Variants in CADM1 observed in about 807,000 individuals in gnomAD.
CADM1 encodes the protein cell adhesion molecule 1, also known as TSLC-1.
CADM1 carries 15 observed loss-of-function variants against 53.1 expected under a neutral mutation model. That is an observed-to-expected ratio of 0.28 (90% CI 0.19 to 0.44). The LOEUF is 0.44. Among genes scored for constraint, CADM1 ranks in the 20% least tolerant of loss-of-function variants. The pLI is 1.00. For missense variants in CADM1, 434 were observed against 611.3 expected (o/e 0.71, Z 3.06); for synonymous variants, 281 against 243.0 (o/e 1.16, Z -1.45).
intron 10 of CADM1, among the ~76,000 whole-genome samples, chr11:115,190,240 C>T (rs1939781213): frequency 6.6e-6 from 1 of 152,172 alleles, no homozygotes; most frequent in Non-Finnish European, 1.5e-5. Context: ...AAATCTCCTC[C>T]CTCCCTCCTT....
Position 115,381,834 on chromosome 11 carries a change from A to G in CADM1, c.124+122437T>C, listed in dbSNP as rs78464108. On this transcript the variant is annotated intron_variant, in intron 1 of 11. Coordinates refer to ENST00000331581, the MANE Select transcript of CADM1 (RefSeq NM_001301043.2). ...TTAAGTGGTATACAAATAAAAATCT[A>G]TAAGTTCTAATAATAGGATTTTTTT... Among the ~76,000 whole-genome samples, 1,073 of 152,160 alleles carry G rather than the reference A, an allele frequency of 7.1e-3. 15 individuals carry two copies. Among genetic ancestry groups the G allele is most frequent in the African/African-American group, 0.025 (1,019 of 41,530 alleles).
intron 1 of CADM1, among the ~76,000 whole-genome samples, chr11:115,290,402 T>G (rs1371628878): frequency 7.2e-5 from 11 of 152,214 alleles, no homozygotes. Context: ...CTCAGCTCAC[T>G]CCTCTGCTTT....
intron 1 of CADM1, among the ~76,000 whole-genome samples, chr11:115,273,742 G>A (rs1221695808): frequency 2.0e-5 from 3 of 152,190 alleles, no homozygotes; most frequent in Non-Finnish European, 4.4e-5. Context: ...TATGCAATGG[G>A]TAAAGTGTGT....
At chr11:115,212,386 T>C (rs1941002341) in intron 7 of CADM1, among the ~76,000 whole-genome samples, 1 of 152,330 alleles carries the variant, frequency 6.6e-6, no homozygotes, top group Admixed American at 6.5e-5. Context: ...AGTAGACTAG[T>C]AATACCTTAG....
chr11:115,425,889 T>C (rs1417629647), intron 1 of CADM1, among the ~76,000 whole-genome samples: 2 of 152,228 alleles, frequency 1.3e-5, no homozygotes, highest in African/African-American at 4.8e-5. Context: ...AGCAGGGGTC[T>C]GTGTGGAGTT....
chr11:115,178,070 A>G (rs773387158), intron 11 of CADM1, among the ~76,000 whole-genome samples: 6 of 152,252 alleles, frequency 3.9e-5, no homozygotes, highest in Non-Finnish European at 7.3e-5. Context: ...TGCACAGTTG[A>G]TAAGTGTGAT....
chr11:115,302,895 G>A (rs1944268732), intron 1 of CADM1, among the ~76,000 whole-genome samples: 1 of 152,030 alleles, frequency 6.6e-6, no homozygotes, highest in African/African-American at 2.4e-5. Context: ...CCATCTCTGT[G>A]CTGCTTCCAG....
intron 3 of CADM1, among the ~76,000 whole-genome samples, chr11:115,236,285 G>T (rs926112786): frequency 6.6e-6 from 1 of 152,092 alleles, no homozygotes; most frequent in African/African-American, 2.4e-5. Flanking sequence ...TACGAGAAAC[G>T]TTGGAATATA....
At chr11:115,251,902 T>C (rs1942617719) in intron 1 of CADM1, among the ~76,000 whole-genome samples, 1 of 152,184 alleles carries the variant, frequency 6.6e-6, no homozygotes, top group Non-Finnish European at 1.5e-5. Context: ...CAGATTCTAC[T>C]CTTATGCCTG....
chr11:115,370,522 A>G (rs1253733131), intron 1 of CADM1, among the ~76,000 whole-genome samples: 4 of 152,124 alleles, frequency 2.6e-5, no homozygotes, highest in Non-Finnish European at 5.9e-5. Flanking sequence ...CCCCCATCAC[A>G]TGTTCATGTC....
chr11:115,265,936 C>A (rs981442356), intron 1 of CADM1, among the ~76,000 whole-genome samples: 8 of 152,154 alleles, frequency 5.3e-5, no homozygotes, highest in African/African-American at 1.9e-4. Flanking sequence ...TGGACCACAG[C>A]CTCACATCAT....
At chr11:115,289,966 A>T (rs1055030744) in intron 1 of CADM1, among the ~76,000 whole-genome samples, 1 of 152,192 alleles carries the variant, frequency 6.6e-6, no homozygotes, top group Non-Finnish European at 1.5e-5. Context: ...GCTTTCTGTG[A>T]CACACAGTGT....
chr11:115,442,416 T>C (rs1670050368), intron 1 of CADM1, among the ~76,000 whole-genome samples: 1 of 152,046 alleles, frequency 6.6e-6, no homozygotes, highest in Non-Finnish European at 1.5e-5. Context: ...CCCAACAAAA[T>C]GACACAAGAG....
chr11:115,240,113 T>C (rs1942171945), intron 2 of CADM1, among the ~76,000 whole-genome samples, 161 bp downstream of exon 2: 1 of 152,186 alleles, frequency 6.6e-6, no homozygotes, highest in Non-Finnish European at 1.5e-5. Context: ...TTCTATTAAG[T>C]AGAAAGATTA....
At chr11:115,374,653 A>G (rs146977604) in intron 1 of CADM1, among the ~76,000 whole-genome samples, 9 of 152,204 alleles carry the variant, frequency 5.9e-5, no homozygotes, top group African/African-American at 2.2e-4. Flanking sequence ...ACCCTCCCAT[A>G]CCCCAAAAAA....
At chr11:115,459,439 A>C (rs1026534375) in intron 1 of CADM1, among the ~76,000 whole-genome samples, 5 of 152,212 alleles carry the variant, frequency 3.3e-5, no homozygotes, top group Non-Finnish European at 5.9e-5. Flanking sequence ...AGCTATGAAT[A>C]AATTTTCACT....
At chr11:115,208,740 C>T (rs1463735689) in intron 8 of CADM1, among the ~76,000 whole-genome samples, 1 of 152,110 alleles carries the variant, frequency 6.6e-6, no homozygotes, top group East Asian at 1.9e-4. Context: ...GTCAAGTGGA[C>T]ATAGTGTGGC....
At chr11:115,318,422 G>A (rs1003384999) in intron 1 of CADM1, among the ~76,000 whole-genome samples, 6 of 152,054 alleles carry the variant, frequency 3.9e-5, no homozygotes, top group Admixed American at 2.0e-4. Flanking sequence ...TTGAAAATTC[G>A]TAAAAATTTA....
intron 1 of CADM1, among the ~76,000 whole-genome samples, chr11:115,459,234 C>T (rs1053042819): frequency 2.0e-5 from 3 of 152,098 alleles, no homozygotes; most frequent in Admixed American, 6.6e-5. Flanking sequence ...TCAGATTTTC[C>T]TCTGATTAGA....
Sources: allele counts gnomAD v4.1 joint callset (sites outside exome capture counted in the v4.1 genomes callset), GRCh38; gene constraint gnomAD v4.1.1; transcripts MANE v1.5; gene names NCBI Gene and HGNC (gene_info 2026-07-23, HGNC 2026-07-21).